Variants in R3HCC1L observed in about 807,000 individuals in gnomAD.
R3HCC1L encodes R3H domain and coiled-coil containing 1 like, also known as coiled-coil domain-containing protein R3HCC1L.
In R3HCC1L, 51 loss-of-function variants were observed where a neutral mutation model predicts 59.9. The ratio of observed to expected loss-of-function variants is 0.85; its 90% CI spans 0.68 to 1.07. R3HCC1L has a LOEUF of 1.07. Among genes scored for constraint, R3HCC1L ranks in the 50% least tolerant of loss-of-function variants. R3HCC1L has a pLI of 0.00. For synonymous variants in R3HCC1L, 322 were observed against 315.2 expected (o/e 1.02, Z -0.23); for missense variants, 965 against 933.0 (o/e 1.03, Z -0.45).
intron 1 of R3HCC1L, among the ~76,000 whole-genome samples, 176 bp downstream of exon 1, chr10:98,134,882 T>C (rs1013467641): frequency 6.6e-6 from 1 of 152,136 alleles, no homozygotes; most frequent in Non-Finnish European, 1.5e-5. Context: ...ACTGGGAAGC[T>C]CCCGCCTTCT....
chr10:98,173,508 G>A (rs1227712508), intron 4 of R3HCC1L, among the ~76,000 whole-genome samples: 2 of 152,102 alleles, frequency 1.3e-5, no homozygotes, highest in African/African-American at 2.4e-5. Flanking sequence ...TTGATCCACC[G>A]GCAGTTTATG....
chr10:98,163,421 AT>A, intron 4 of R3HCC1L, 24 bp downstream of exon 4: 2 of 1,243,102 alleles, frequency 1.6e-6, no homozygotes, highest in Admixed American at 2.7e-5. Flanking sequence ...ACTTATGCAT[AT>A]TTTATAGAAA....
intron 7 of R3HCC1L, 62 bp downstream of exon 7, chr10:98,234,578 C>G: frequency 6.6e-7 from 1 of 1,508,504 alleles, no homozygotes; most frequent in Non-Finnish European, 9.2e-7. Flanking sequence ...GCTACTTTTT[C>G]TATTTCCCTT....
chr10:98,176,656 C>A (rs369946072), intron 4 of R3HCC1L, among the ~76,000 whole-genome samples: 2 of 152,076 alleles, frequency 1.3e-5, no homozygotes, highest in Non-Finnish European at 2.9e-5. Flanking sequence ...CAGATAAAGA[C>A]AGTATTACTT....
At chr10:98,224,471 G>A (rs1855436691) in intron 5 of R3HCC1L, among the ~76,000 whole-genome samples, 2 of 152,254 alleles carry the variant, frequency 1.3e-5, no homozygotes, top group African/African-American at 2.4e-5. Context: ...TACTAGTTGG[G>A]TAATAGTTTA....
chr10:98,235,887 T>TA, intron 8 of R3HCC1L, 137 bp from the exon 9 acceptor site: 1 of 994,806 alleles, frequency 1.0e-6, no homozygotes, highest in Non-Finnish European at 1.5e-6. Context: ...GATCATCATC[T>TA]ATCAGACTTG....
At chr10:98,220,955 C>T (rs1366992709) in intron 5 of R3HCC1L, among the ~76,000 whole-genome samples, 113 of 146,190 alleles carry the variant, frequency 7.7e-4, no homozygotes, top group African/African-American at 2.7e-3. Context: ...AATCGCCACA[C>T]TGACTTCCAC....
chr10:98,147,336 T>C (rs978765120), intron 1 of R3HCC1L, among the ~76,000 whole-genome samples: 3 of 152,220 alleles, frequency 2.0e-5, no homozygotes, highest in Non-Finnish European at 4.4e-5. Flanking sequence ...ATGGATAGTT[T>C]GCAAGTATTT....
rs1856232500 is a variant in R3HCC1L at position 98,230,422 on chromosome 10, G to A, written c.1786-1090G>A. ...AGTTTGTATTTCTGTGGGATCGGTGGTGATATCCCCTTTATCATTTTTTTT... is the reference window on the plus strand; with the variant it reads ...AGTTTGTATTTCTGTGGGATCGGTGATGATATCCCCTTTATCATTTTTTTT... On this transcript the variant is annotated intron_variant, in intron 5 of 9. Coordinates refer to ENST00000298999, the MANE Select transcript of R3HCC1L (RefSeq NM_001351015.2). Among the ~76,000 whole-genome samples, 3 of 152,068 alleles carry A rather than the reference G, an allele frequency of 2.0e-5. No individual in the cohort carries two copies. The South Asian group carries it at 6.2e-4, about 32-fold the overall frequency.
At chr10:98,150,579 C>T (rs1005445668) in intron 1 of R3HCC1L, among the ~76,000 whole-genome samples, 3 of 152,022 alleles carry the variant, frequency 2.0e-5, no homozygotes, top group Non-Finnish European at 4.4e-5. Context: ...CACCTTAAGC[C>T]CAGGTTTGCC....
At chr10:98,204,224 CAT>C (rs1461528455) in intron 4 of R3HCC1L, among the ~76,000 whole-genome samples, 5 of 152,144 alleles carry the variant, frequency 3.3e-5, no homozygotes, top group African/African-American at 1.2e-4. Context: ...GCCTGACCAA[CAT>C]AGAGAAACCC....
chr10:98,180,498 A>C (rs1849518671), intron 4 of R3HCC1L, among the ~76,000 whole-genome samples: 1 of 152,112 alleles, frequency 6.6e-6, no homozygotes, highest in Admixed American at 6.5e-5. Flanking sequence ...CAGTTTTGGA[A>C]TACGTGCCAT....
intron 2 of R3HCC1L, among the ~76,000 whole-genome samples, chr10:98,158,501 T>A (rs1371851591): frequency 6.6e-6 from 1 of 152,250 alleles, no homozygotes; most frequent in Admixed American, 6.5e-5. Flanking sequence ...AACATTTTAC[T>A]GCATTCCCTT....
At chr10:98,151,498 A>G (rs1344751330) in intron 1 of R3HCC1L, among the ~76,000 whole-genome samples, 1 of 152,132 alleles carries the variant, frequency 6.6e-6, no homozygotes, top group Non-Finnish European at 1.5e-5. Context: ...AACTACTATT[A>G]TTGTTTCTAC....
chr10:98,201,246 A>G (rs899820844), intron 4 of R3HCC1L, among the ~76,000 whole-genome samples: 2 of 152,180 alleles, frequency 1.3e-5, no homozygotes, highest in Non-Finnish European at 2.9e-5. Flanking sequence ...CATTCAAGAT[A>G]TTTGCATTGG....
At chr10:98,182,830 TG>T (rs1360378505) in intron 4 of R3HCC1L, among the ~76,000 whole-genome samples, 1 of 152,194 alleles carries the variant, frequency 6.6e-6, no homozygotes, top group African/African-American at 2.4e-5. Flanking sequence ...TCCGTGGTTG[TG>T]GGACTTGCTG....
In R3HCC1L at chr10:98,244,129, T is replaced by C; in HGVS notation, c.2308T>C (p.Trp770Arg). Residue 770 changes from tryptophan (W) to arginine (R), a missense_variant, in exon 10 of 10, where the codon TGG becomes CGG. Physicochemically the swap from Trp to Arg is moderately radical, Grantham distance 101 (BLOSUM62 -3). Coordinates refer to ENST00000298999, the MANE Select transcript of R3HCC1L (RefSeq NM_001351015.2). ...GGAAGCCAAGCAACGGGAAGACATC[T>C]GGGAAGGCAGAGACCAGTCTACAGT... The part of the protein sequence containing the change: ...RLEAKQREDI[W>R]EGRDQSTV The C allele has an allele frequency of 1.2e-6, 2 of 1,614,004 alleles. No homozygotes were observed. The highest frequency in any genetic ancestry group is 1.7e-6 in the Non-Finnish European group (2 of 1,179,888).
At chr10:98,218,910 T>G (rs991237311) in intron 5 of R3HCC1L, among the ~76,000 whole-genome samples, 1 of 152,196 alleles carries the variant, frequency 6.6e-6, no homozygotes, top group African/African-American at 2.4e-5. Context: ...AGTTGATCGC[T>G]TTATCATAGA....
At chr10:98,152,444 C>G (rs371117443) in intron 1 of R3HCC1L, among the ~76,000 whole-genome samples, 1 of 144,546 alleles carries the variant, frequency 6.9e-6, no homozygotes, top group East Asian at 2.1e-4. Context: ...CCCCTCTGCT[C>G]GGCTGCCCAA....
Sources: allele counts gnomAD v4.1 joint callset (sites outside exome capture counted in the v4.1 genomes callset), GRCh38; gene constraint gnomAD v4.1.1; transcripts MANE v1.5; gene names NCBI Gene and HGNC (gene_info 2026-07-23, HGNC 2026-07-21).